RABGAP1L: variants seen among roughly 807,000 people sequenced by gnomAD.
RABGAP1L encodes the protein rab GTPase-activating protein 1-like.
RABGAP1L carries 63 observed loss-of-function variants against 137.7 expected under a neutral mutation model. That is an observed-to-expected ratio of 0.46 (90% confidence interval 0.37 to 0.56). The LOEUF is 0.56. RABGAP1L is among the 20% of genes least tolerant of loss of function. RABGAP1L has a pLI of 0.00. For synonymous variants in RABGAP1L, 431 were observed against 433.7 expected, an observed-to-expected ratio of 0.99 and a Z score of 0.08; for missense variants, 1,095 against 1,244.0, an observed-to-expected ratio of 0.88 and a Z score of 1.80.
chr1:174,834,378 A>T (rs1692496942), intron 19 of RABGAP1L, among the ~76,000 whole-genome samples: 1 of 150,978 alleles, frequency 6.6e-6, no homozygotes, highest in South Asian at 2.1e-4. Flanking sequence ...GTGAGCCAAG[A>T]TGGCACCATT....
At chr1:174,484,974 C>T (rs1046976440) in intron 13 of RABGAP1L, among the ~76,000 whole-genome samples, 5 of 152,002 alleles carry the variant, frequency 3.3e-5, no homozygotes, top group Admixed American at 1.3e-4. Context: ...TTGAGTCTTC[C>T]GATACACGGA....
intron 11 of RABGAP1L, among the ~76,000 whole-genome samples, chr1:174,328,126 A>C (rs1216071796): frequency 6.6e-6 from 1 of 150,798 alleles, no homozygotes; most frequent in Non-Finnish European, 1.5e-5. Flanking sequence ...CACTTTCAAC[A>C]ATGGACAGAT....
intron 19 of RABGAP1L, among the ~76,000 whole-genome samples, chr1:174,927,437 C>T (rs1663030700): frequency 6.6e-6 from 1 of 151,992 alleles, no homozygotes; most frequent in Non-Finnish European, 1.5e-5. Context: ...GCTGCATTGC[C>T]CAGGCTGGTC....
chr1:174,772,802 A>G (rs928651358), intron 18 of RABGAP1L, among the ~76,000 whole-genome samples: 43 of 151,622 alleles, frequency 2.8e-4, no homozygotes, highest in Non-Finnish European at 5.9e-4. Flanking sequence ...GAATTTGGCT[A>G]CTCTAGGTAC....
At chr1:174,415,442 T>C (rs930849471) in intron 13 of RABGAP1L, among the ~76,000 whole-genome samples, 1 of 151,944 alleles carries the variant, frequency 6.6e-6, no homozygotes, top group African/African-American at 2.4e-5. Context: ...TTTTTTTCCA[T>C]AGGAGAGAGC....
intron 13 of RABGAP1L, among the ~76,000 whole-genome samples, chr1:174,467,357 A>C (rs949813701): frequency 3.9e-5 from 6 of 151,932 alleles, no homozygotes; most frequent in Non-Finnish European, 5.9e-5. Flanking sequence ...ATACTACCAG[A>C]TCTTCTAGTA....
intron 13 of RABGAP1L, among the ~76,000 whole-genome samples, chr1:174,457,828 TA>T (rs1397165099): frequency 1.3e-5 from 2 of 152,114 alleles, no homozygotes; most frequent in East Asian, 3.9e-4. Flanking sequence ...CCACTTTTTC[TA>T]GAGTTGTTTT....
intron 19 of RABGAP1L, among the ~76,000 whole-genome samples, chr1:174,943,479 C>T (rs750072450): frequency 6.6e-6 from 1 of 152,192 alleles, no homozygotes; most frequent in Non-Finnish European, 1.5e-5. Flanking sequence ...TTTCTTCTCC[C>T]TCAGAGCACT....
At chr1:174,783,020 C>A (rs1687137619) in intron 18 of RABGAP1L, among the ~76,000 whole-genome samples, 1 of 152,184 alleles carries the variant, frequency 6.6e-6, no homozygotes, top group Admixed American at 6.5e-5. Context: ...TGCAACTGCA[C>A]ACTCTTTTGG....
At chr1:174,484,927 G>T (rs1659479825) in intron 13 of RABGAP1L, among the ~76,000 whole-genome samples, 1 of 152,170 alleles carries the variant, frequency 6.6e-6, no homozygotes, top group African/African-American at 2.4e-5. Flanking sequence ...CACTGAATCT[G>T]TTGATTGCTT....
At chr1:174,931,995 T>G (rs1323950709) in intron 19 of RABGAP1L, among the ~76,000 whole-genome samples, 3 of 141,152 alleles carry the variant, frequency 2.1e-5, no homozygotes, top group Non-Finnish European at 4.6e-5. Flanking sequence ...TTTTGGTTTT[T>G]TTTTTTTTTT....
chr1:174,802,733 T>G (rs1372793541), intron 18 of RABGAP1L, among the ~76,000 whole-genome samples: 1 of 152,220 alleles, frequency 6.6e-6, no homozygotes, highest in African/African-American at 2.4e-5. Flanking sequence ...TTTGGGAAAT[T>G]ACAAGTTCTT....
chr1:174,829,045 T>C (rs1165178773), intron 19 of RABGAP1L, among the ~76,000 whole-genome samples: 1 of 147,870 alleles, frequency 6.8e-6, no homozygotes, highest in African/African-American at 2.5e-5. Flanking sequence ...CCATAATTAG[T>C]GTACAACCAA....
chr1:174,205,173 C>T (rs1420142259), intron 1 of RABGAP1L, among the ~76,000 whole-genome samples: 1 of 152,116 alleles, frequency 6.6e-6, no homozygotes, highest in Non-Finnish European at 1.5e-5. Context: ...GGTGGATTAG[C>T]TTTTTGATGT....
chr1:174,435,576 A>G (rs1653165828), intron 13 of RABGAP1L, among the ~76,000 whole-genome samples: 2 of 152,082 alleles, frequency 1.3e-5, no homozygotes, highest in African/African-American at 4.8e-5. Flanking sequence ...TCAGTTGACC[A>G]TATAAGTGTG....
At chr1:174,301,362 C>T (rs981538573) in intron 10 of RABGAP1L, among the ~76,000 whole-genome samples, 12 of 149,354 alleles carry the variant, frequency 8.0e-5, no homozygotes, top group Admixed American at 2.6e-4. Flanking sequence ...TAACACACCG[C>T]CATCTGGAAT....
chr1:174,763,790 A>G (rs999842815), intron 18 of RABGAP1L, among the ~76,000 whole-genome samples: 12 of 146,400 alleles, frequency 8.2e-5, no homozygotes, highest in Non-Finnish European at 1.8e-4. Context: ...GTGAGCCGAG[A>G]TCGTGCCACT....
At chr1:174,678,021 A>C (rs1010481400) in intron 14 of RABGAP1L, among the ~76,000 whole-genome samples, 1 of 152,158 alleles carries the variant, frequency 6.6e-6, no homozygotes, top group East Asian at 1.9e-4. Flanking sequence ...AGACTAATCA[A>C]GGAAAAGAGA....
At chr1:174,300,280 C>T (rs2148752387) in intron 10 of RABGAP1L, among the ~76,000 whole-genome samples, 1 of 152,062 alleles carries the variant, frequency 6.6e-6, no homozygotes, top group South Asian at 2.1e-4. Flanking sequence ...AATCCCAGCA[C>T]TTTGGGAGGC....
Sources: gnomAD v4.1 joint callset for allele counts (sites outside exome capture counted in the v4.1 genomes callset) on GRCh38, gnomAD v4.1.1 for gene constraint, MANE v1.5 for transcripts, NCBI Gene and HGNC (gene_info 2026-07-23, HGNC 2026-07-21) for gene names.